The following EFCAB13 variants were observed in gnomAD, a reference collection of about 807,000 sequenced individuals.
EFCAB13 encodes the protein EF-hand calcium-binding domain-containing protein 13.
In EFCAB13, 91 loss-of-function variants were observed where a neutral mutation model predicts 110.2. The observed-to-expected ratio is 0.83, with a 90% CI of 0.70 to 0.98. The LOEUF (loss-of-function observed/expected upper bound fraction) is 0.98. Ranked by LOEUF, EFCAB13 falls within the 50% of genes least tolerant of loss-of-function variation. The pLI is 0.00. For missense variants in EFCAB13, 968 were observed against 1,119.4 expected (o/e 0.86, Z 1.93); for synonymous variants, 323 against 369.9 (o/e 0.87, Z 1.45).
chr17:47,360,883 G>C (rs536083493), intron 9 of EFCAB13, among the ~76,000 whole-genome samples: 1 of 152,072 alleles, frequency 6.6e-6, no homozygotes, highest in Non-Finnish European at 1.5e-5. Flanking sequence ...AATTTTTAAG[G>C]AAGTTTTTTT....
intron 14 of EFCAB13, among the ~76,000 whole-genome samples, chr17:47,385,420 T>C (rs1179109206): frequency 1.3e-5 from 2 of 151,864 alleles, no homozygotes; most frequent in East Asian, 3.9e-4. Flanking sequence ...TATCCTTTCT[T>C]CTGCTTGATT....
intron 17 of EFCAB13, among the ~76,000 whole-genome samples, chr17:47,399,829 A>G (rs978159538): frequency 2.6e-5 from 4 of 152,220 alleles, no homozygotes; most frequent in African/African-American, 4.8e-5. Context: ...ATCATTTGGC[A>G]TATTCAGAAA....
chr17:47,361,438 A>G lies in EFCAB13; in HGVS notation c.722A>G (p.Asp241Gly), dbSNP rs1164507325. Residue 241 changes from aspartate to glycine, a missense_variant, in exon 10 of 25, where the codon GAC (aspartate) becomes GGC (glycine). Transcript: ENST00000331493. ...AAAGGTGGTCGAGTTTCAACTGATG[A>G]CGTGTTTGCTGTTTTGGATAGCATG... Reference protein sequence around the residue: ...RIKGGRVSTDDVFAVLDSMGI... With the variant: ...RIKGGRVSTDGVFAVLDSMGI... 6.2e-7 allele frequency: 1 copy of G among 1,613,798 alleles called. No homozygotes were observed. Among genetic ancestry groups the G allele is most frequent in the African/African-American group, 1.3e-5 (1 of 74,878 alleles).
At chr17:47,393,965 C>A in intron 15 of EFCAB13, 60 bp from the exon 16 acceptor site, 4 of 896,386 alleles carry the variant, frequency 4.5e-6, no homozygotes, top group South Asian at 1.8e-5. Flanking sequence ...TTATATAATT[C>A]AATATTTTTC....
intron 18 of EFCAB13, among the ~76,000 whole-genome samples, chr17:47,403,179 A>G (rs2065787823): frequency 6.6e-6 from 1 of 152,160 alleles, no homozygotes; most frequent in African/African-American, 2.4e-5. Flanking sequence ...TGTTGACTTT[A>G]ATAATAATAA....
intron 11 of EFCAB13, among the ~76,000 whole-genome samples, chr17:47,373,923 A>G (rs1219223090): frequency 6.6e-6 from 1 of 152,166 alleles, no homozygotes; most frequent in African/African-American, 2.4e-5. Flanking sequence ...TTAAAATGTA[A>G]GATAAGATTC....
Position 47,335,233 on chromosome 17 carries a change from A to T in EFCAB13, c.68A>T (p.Asn23Ile), listed in dbSNP as rs2065342548. The stretch of plus-strand genomic sequence containing the variant: ...ATTGACTTATTAGATGATGGCTCTA[A>T]TTCTTTTGCAACTGACTTGTCATCA... ...ENIDLLDDGS[N>I]SFATDLSSGT... The change falls in exon 5 of 25, where the codon AAT becomes ATT. Residue 23 changes from asparagine (N) to isoleucine (I), a missense_variant. Transcript: ENST00000331493. The T allele has an allele frequency of 1.2e-6, 2 of 1,610,316 alleles. No homozygotes were observed. The highest frequency in any genetic ancestry group is 2.2e-5 in the South Asian group (2 of 89,730).
At chr17:47,335,554 A>T (rs1196249202) in intron 5 of EFCAB13, among the ~76,000 whole-genome samples, 198 bp downstream of exon 5, 2 of 152,186 alleles carry the variant, frequency 1.3e-5, no homozygotes, top group Non-Finnish European at 1.5e-5. Flanking sequence ...TCTCACAGCC[A>T]TCTATAGGCT....
At chr17:47,336,148 A>G (rs754157178) in intron 5 of EFCAB13, among the ~76,000 whole-genome samples, 3 of 148,148 alleles carry the variant, frequency 2.0e-5, no homozygotes, top group Admixed American at 6.7e-5. Flanking sequence ...TTTTTTTGAG[A>G]TGGAGCCTCA....
intron 13 of EFCAB13, among the ~76,000 whole-genome samples, chr17:47,378,252 C>A (rs1302080830): frequency 6.6e-6 from 1 of 152,048 alleles, no homozygotes; most frequent in Non-Finnish European, 1.5e-5. Context: ...GATATATCTG[C>A]ACAAATAGCC....
intron 13 of EFCAB13, 81 bp from the exon 14 acceptor site, chr17:47,379,101 A>T: frequency 9.9e-7 from 1 of 1,008,076 alleles, no homozygotes; most frequent in African/African-American, 1.6e-5. Flanking sequence ...GTAAATTTTA[A>T]AAATAGTTGT....
chr17:47,372,823 T>C (rs2065592402), intron 11 of EFCAB13, among the ~76,000 whole-genome samples: 1 of 152,174 alleles, frequency 6.6e-6, no homozygotes, highest in African/African-American at 2.4e-5. Flanking sequence ...GTATATGTTA[T>C]TTACTTTTGC....
chr17:47,366,415 G>T (rs1453274804), intron 10 of EFCAB13, among the ~76,000 whole-genome samples: 3 of 151,492 alleles, frequency 2.0e-5, no homozygotes, highest in Non-Finnish European at 4.4e-5. Flanking sequence ...TTTCAATATT[G>T]TGGAGCTACC....
At chr17:47,343,050 T>C (rs953875139) in intron 6 of EFCAB13, among the ~76,000 whole-genome samples, 2 of 152,194 alleles carry the variant, frequency 1.3e-5, no homozygotes, top group Non-Finnish European at 2.9e-5. Context: ...CAATTCACTG[T>C]ATGAAATTCT....
At chr17:47,429,297 GAC>G (rs770397867) in intron 23 of EFCAB13, among the ~76,000 whole-genome samples, 5 of 152,132 alleles carry the variant, frequency 3.3e-5, no homozygotes, top group African/African-American at 7.2e-5. Context: ...AATAATGAAA[GAC>G]AATTTTGATT....
chr17:47,419,320 G>T lies in EFCAB13; in HGVS notation c.2494+4401G>T, dbSNP rs1428388725. Among the ~76,000 whole-genome samples the T allele has an allele frequency of 2.6e-5, 4 of 152,280 alleles. No individual in the cohort carries two copies. In the East Asian group the frequency reaches 5.8e-4, roughly 22 times the overall value. ...AAAATACTGATGGCTGGGTGTGGTGGCTTATGTCTATAAGCACTTTGGGAG... is the reference window on the plus strand; with the variant it reads ...AAAATACTGATGGCTGGGTGTGGTGTCTTATGTCTATAAGCACTTTGGGAG... On this transcript the variant is annotated intron_variant, in intron 23 of 24. Coordinates refer to ENST00000331493, the MANE Select transcript of EFCAB13 (RefSeq NM_152347.5).
At position 47,440,840 on chromosome 17, in the gene EFCAB13, C is replaced by A; in HGVS notation, c.*126C>A. 1 of 754,302 alleles carries A rather than the reference C, an allele frequency of 1.3e-6. No individual in the cohort carries two copies. Among genetic ancestry groups the A allele is most frequent in the Non-Finnish European group, 2.0e-6 (1 of 496,232 alleles). 46.7% of individuals were successfully genotyped at this position (754,302 alleles called of 1,614,324 possible). ...GACAAATCCAGTAGAATTTTTATCA[C>A]TATCTGTTATGTTCTCATGTATCTT... is the stretch of plus-strand genomic sequence containing the variant. On this transcript the variant is annotated 3_prime_UTR_variant, in exon 25 of 25. Transcript: ENST00000331493.
intron 23 of EFCAB13, among the ~76,000 whole-genome samples, chr17:47,421,624 T>TTAA (rs375615302): frequency 1.6e-5 from 2 of 123,052 alleles, no homozygotes; most frequent in Non-Finnish European, 3.3e-5. Context: ...GAATGAGCAA[T>TTAA]AAAAAAAAGA....
At chr17:47,368,896 C>G (rs1206205349) in intron 10 of EFCAB13, among the ~76,000 whole-genome samples, 1 of 152,178 alleles carries the variant, frequency 6.6e-6, no homozygotes, top group Non-Finnish European at 1.5e-5. Context: ...GCTGGGTTCT[C>G]AATGCAGGGG....
Sources: allele counts gnomAD v4.1 joint callset (sites outside exome capture counted in the v4.1 genomes callset), GRCh38; gene constraint gnomAD v4.1.1; transcripts MANE v1.5; gene names NCBI Gene and HGNC (gene_info 2026-07-23, HGNC 2026-07-21).